The following ACACA variants were observed in gnomAD, a reference collection of about 807,000 sequenced individuals.
ACACA encodes acetyl-CoA carboxylase 1.
In ACACA, 103 loss-of-function variants were observed where a neutral mutation model predicts 296.1. That is an observed-to-expected ratio of 0.35 (90% CI 0.30 to 0.41). The LOEUF is 0.41. Among genes scored for constraint, ACACA ranks in the 10% least tolerant of loss-of-function variants. ACACA has a pLI of 1.00. For missense variants in ACACA, 1,554 were observed against 2,989.7 expected (o/e 0.52, Z 11.20); for synonymous variants, 953 against 1,038.6 (o/e 0.92, Z 1.58).
At chr17:37,321,471 C>T (rs144956644) in intron 3 of ACACA, among the ~76,000 whole-genome samples, 557 of 152,146 alleles carry the variant, frequency 3.7e-3, no homozygotes, top group Non-Finnish European at 6.6e-3. Context: ...AAAACGTGGC[C>T]GGGTGCGGTG....
At chr17:37,182,358 T>C (rs973296451) in intron 39 of ACACA, among the ~76,000 whole-genome samples, 2 of 151,632 alleles carry the variant, frequency 1.3e-5, no homozygotes, top group East Asian at 1.9e-4. Flanking sequence ...AAAACATATA[T>C]ATATATATAC....
rs185371154 is a variant in ACACA, at chr17:37,221,380, C to T, written c.3683+344G>A. 1.2e-4 allele frequency: 39 copies of T among 333,902 alleles called. No individual in the cohort carries two copies. In the Admixed American group the frequency reaches 1.6e-3, roughly 14 times the overall value. 20.7% of individuals were successfully genotyped at this position (333,902 alleles called of 1,614,324 possible). A position where few individuals can be genotyped will look rare whatever the true frequency, so the allele number is the denominator to read the frequency against. On this transcript the variant is annotated intron_variant, in intron 29 of 55. Transcript: ENST00000616317. ...CCAAAGTATTTTTTTGGTCTAATTG[C>T]TGATTTAAATTGTTAAAAAGAGTGA... is the stretch of plus-strand genomic sequence containing the variant.
At chr17:37,186,984 C>A (rs939037726) in intron 39 of ACACA, among the ~76,000 whole-genome samples, 1 of 151,912 alleles carries the variant, frequency 6.6e-6, no homozygotes, top group Non-Finnish European at 1.5e-5. Context: ...TTACTTTTCA[C>A]AAGAATAGAC....
intron 50 of ACACA, among the ~76,000 whole-genome samples, chr17:37,115,246 C>T (rs1262887679): frequency 6.6e-6 from 1 of 152,214 alleles, no homozygotes; most frequent in Non-Finnish European, 1.5e-5. Flanking sequence ...TACGCTAATT[C>T]TGTAGTTATG....
intron 3 of ACACA, among the ~76,000 whole-genome samples, chr17:37,295,791 G>A (rs1356299535): frequency 6.6e-6 from 1 of 152,080 alleles, no homozygotes; most frequent in Non-Finnish European, 1.5e-5. Context: ...TGGGCGTGGT[G>A]GTGGGCACCT....
rs1284732535 is a variant in ACACA at position 37,206,825 on chromosome 17, T to C, written c.3906A>G (p.Thr1302=). The change falls in exon 32 of 56, where the codon ACA becomes ACG. Residue 1302 remains threonine, a synonymous_variant. Transcript: ENST00000616317. ...GAGACGTGTGACCTGCCTCAGGGAA[T>C]GTGGGACTCTGGGGTGGGGAGTCAG... is the stretch of plus-strand genomic sequence containing the variant. ...CFSDSPPQSP[T]FPEAGHTSLY... The C allele has an allele frequency of 6.2e-7, 1 of 1,613,866 alleles. No individual in the cohort carries two copies. The highest frequency in any genetic ancestry group is 8.5e-7 in the Non-Finnish European group (1 of 1,179,766).
chr17:37,111,465 A>G, intron 52 of ACACA, 66 bp downstream of exon 52: 2 of 1,174,818 alleles, frequency 1.7e-6, no homozygotes, highest in Admixed American at 1.7e-5. Context: ...CCCCTGGCCT[A>G]TGAATGCACT....
intron 11 of ACACA, among the ~76,000 whole-genome samples, chr17:37,260,282 A>C (rs183207888): frequency 5.6e-5 from 2 of 35,604 alleles, no homozygotes; most frequent in Non-Finnish European, 9.3e-5. Context: ...ATATATATAT[A>C]TATATATATA....
intron 2 of ACACA, among the ~76,000 whole-genome samples, chr17:37,335,090 A>G (rs941088520): frequency 1.3e-5 from 2 of 152,022 alleles, no homozygotes; most frequent in African/African-American, 4.8e-5. Context: ...ACCTGGGTAC[A>G]TAGCACCCCT....
chr17:37,402,774 G>A (rs549570254), intron 1 of ACACA, among the ~76,000 whole-genome samples: 2 of 152,074 alleles, frequency 1.3e-5, no homozygotes, highest in Admixed American at 1.3e-4. Flanking sequence ...CCAGGTTCAC[G>A]CCATTCTTCT....
At chr17:37,262,778 G>A (rs761342574) in intron 11 of ACACA, among the ~76,000 whole-genome samples, 22 of 152,080 alleles carry the variant, frequency 1.4e-4, no homozygotes, top group Non-Finnish European at 1.3e-4. Flanking sequence ...CACCCAGGTT[G>A]GAGTGCAGTA....
At chr17:37,181,105 T>C in intron 40 of ACACA, 96 bp downstream of exon 40, 2 of 1,336,450 alleles carry the variant, frequency 1.5e-6, no homozygotes, top group South Asian at 2.3e-5. Context: ...TCTTGCCCTT[T>C]GGAGTGCCCC....
rs5820212 is a variant in ACACA, at chr17:37,404,570, A to ATTTT, written c.38+1688_38+1691dup. On this transcript the variant is annotated intron_variant, in intron 1 of 55. Transcript: ENST00000616317. ...CATTCTCCACACAGCTGCCACAGTG[A>ATTTT]TTTTTTTTTTTTTTTTTTTTTTGAG... is the stretch of plus-strand genomic sequence containing the variant. Among the ~76,000 whole-genome samples the ATTTT allele has an allele frequency of 7.2e-4, 75 of 104,700 alleles. 2 individuals carry two copies. The highest frequency in any genetic ancestry group is 1.5e-3 in the East Asian group (5 of 3,302). The allele number at this position is 104,700 out of a possible 152,430, so 68.7% of individuals were successfully genotyped here.
chr17:37,238,455 C>T (rs2080228483), intron 24 of ACACA, among the ~76,000 whole-genome samples: 1 of 151,926 alleles, frequency 6.6e-6, no homozygotes, highest in Non-Finnish European at 1.5e-5. Context: ...ATAAATCTAT[C>T]TCTACACCTA....
At chr17:37,144,139 G>C (rs2143918404) in intron 45 of ACACA, 1 of 754,940 alleles carries the variant, frequency 1.3e-6, no homozygotes, top group Middle Eastern at 3.6e-4. Context: ...CTGTTTAGCA[G>C]ACATGGTCTT....
At chr17:37,119,167 T>C (rs993773882) in intron 50 of ACACA, among the ~76,000 whole-genome samples, 4 of 152,226 alleles carry the variant, frequency 2.6e-5, no homozygotes, top group African/African-American at 9.6e-5. Flanking sequence ...CTCATATATA[T>C]GAATGAGGGG....
intron 3 of ACACA, among the ~76,000 whole-genome samples, chr17:37,298,214 AAG>A (rs926696566): frequency 2.3e-4 from 35 of 152,196 alleles, no homozygotes; most frequent in Non-Finnish European, 4.3e-4. Flanking sequence ...AAAAAAGAAA[AAG>A]GGGCAATTAC....
At chr17:37,149,019 C>T (rs2075930882) in intron 45 of ACACA, among the ~76,000 whole-genome samples, 2 of 152,122 alleles carry the variant, frequency 1.3e-5, no homozygotes, top group African/African-American at 2.4e-5. Flanking sequence ...ACTTTTCTGG[C>T]CCTGAAGAGA....
intron 24 of ACACA, 92 bp from the exon 25 acceptor site, chr17:37,235,191 G>A (rs2080051883): frequency 1.7e-5 from 25 of 1,464,710 alleles, no homozygotes; most frequent in Middle Eastern, 1.7e-4. Context: ...TTTATGAGAC[G>A]AGCAGTGAGA....
Sources: allele counts gnomAD v4.1 joint callset (sites outside exome capture counted in the v4.1 genomes callset), GRCh38; gene constraint gnomAD v4.1.1; transcripts MANE v1.5; gene names NCBI Gene and HGNC (gene_info 2026-07-23, HGNC 2026-07-21).